Variants in ARPC3 observed in about 807,000 individuals in gnomAD.
ARPC3 encodes actin-related protein 2/3 complex subunit 3.
Under a neutral mutation model 27.6 loss-of-function variants are expected in ARPC3, and 12 were observed. The observed-to-expected ratio is 0.43, with a 90% CI of 0.28 to 0.70. The LOEUF (loss-of-function observed/expected upper bound fraction) is 0.70, where lower values mean the gene tolerates loss of function less well. ARPC3 is among the 30% of genes least tolerant of loss of function. The pLI is 0.17. For synonymous variants in ARPC3, 53 were observed against 67.2 expected (o/e 0.79, Z 1.03); for missense variants, 153 against 207.7 (o/e 0.74, Z 1.62).
At chr12:110,440,691 C>T (rs1024237665) in intron 2 of ARPC3, among the ~76,000 whole-genome samples, 1 of 150,616 alleles carries the variant, frequency 6.6e-6, no homozygotes, top group Admixed American at 6.7e-5. Flanking sequence ...GGGCTACAGG[C>T]ACCTGCCACC....
At chr12:110,442,481 G>A (rs961206029) in intron 2 of ARPC3, among the ~76,000 whole-genome samples, 1 of 151,988 alleles carries the variant, frequency 6.6e-6, no homozygotes, top group South Asian at 2.1e-4. Flanking sequence ...GGTGGTACGT[G>A]CCTGTAATCC....
intron 1 of ARPC3, 144 bp downstream of exon 1, chr12:110,450,111 C>T (rs2135507760): frequency 8.0e-7 from 1 of 1,249,678 alleles, no homozygotes; most frequent in Non-Finnish European, 1.1e-6. Context: ...CCTTCAGCAA[C>T]CGGTCCCCTC....
intron 6 of ARPC3, among the ~76,000 whole-genome samples, chr12:110,435,877 C>T (rs923859153): frequency 8.0e-5 from 12 of 149,410 alleles, no homozygotes; most frequent in African/African-American, 1.7e-4. Flanking sequence ...CCACTCGCCT[C>T]GGCCTCCCAA....
Position 110,450,286 on chromosome 12 carries a change from A to C in ARPC3, c.-26T>G. 6.2e-7 allele frequency: 1 copy of C among 1,613,968 alleles called. No homozygotes were observed. The highest frequency in any genetic ancestry group is 8.5e-7 in the Non-Finnish European group (1 of 1,179,952). On this transcript the variant is annotated 5_prime_UTR_variant, in exon 1 of 7. Coordinates refer to ENST00000228825, the MANE Select transcript of ARPC3 (RefSeq NM_001278556.2). ...CTTGGCGGCGCCCGGGTTTCAACCC[A>C]GAGGAGCAGGATCCAGGTACAGCGG...
intron 1 of ARPC3, among the ~76,000 whole-genome samples, chr12:110,449,284 T>C (rs894048098): frequency 6.6e-6 from 1 of 151,938 alleles, no homozygotes; most frequent in African/African-American, 2.4e-5. Flanking sequence ...GTGAGCAGGC[T>C]GGGCGCGATG....
chr12:110,436,061 T>C (rs761611955), intron 6 of ARPC3, 49 bp downstream of exon 6: 1 of 1,403,568 alleles, frequency 7.1e-7, no homozygotes. Context: ...ATGGTGGCTA[T>C]GGGATAAAAG....
intron 2 of ARPC3, 107 bp downstream of exon 2, chr12:110,445,345 G>T: frequency 1.2e-6 from 1 of 865,150 alleles, no homozygotes; most frequent in Non-Finnish European, 1.9e-6. Flanking sequence ...AAAGTACAAG[G>T]GCAATTTGAG....
At position 110,438,651 on chromosome 12, in the gene ARPC3, ATT is replaced by A. The variant is rs780361423; in HGVS notation, c.184-1501_184-1500del. Reference sequence around the variant, plus strand: ...CCCAAACCACACCATTTTCCTATATATTTTTTTTTTTTTGAGTGTTTCACTTT... The same window carrying A: ...CCCAAACCACACCATTTTCCTATATATTTTTTTTTTTGAGTGTTTCACTTT... On this transcript the variant is annotated intron_variant, in intron 3 of 6. Coordinates refer to ENST00000228825, the MANE Select transcript of ARPC3 (RefSeq NM_001278556.2). Among the ~76,000 whole-genome samples the A allele has an allele frequency of 7.2e-3, 1,025 of 142,548 alleles. 1 individual carries two copies. The highest frequency in any genetic ancestry group is 9.7e-3 in the Non-Finnish European group (634 of 65,070). The allele number at this position is 142,548 out of a possible 152,430, so 93.5% of individuals were successfully genotyped here. A position where few individuals can be genotyped will look rare whatever the true frequency, so the allele number is the denominator to read the frequency against.
chr12:110,441,009 T>C (rs1475630385), intron 2 of ARPC3, among the ~76,000 whole-genome samples: 1 of 136,672 alleles, frequency 7.3e-6, no homozygotes, highest in Non-Finnish European at 1.6e-5. Context: ...TGCTCAGCTA[T>C]ATTTTTTGTA....
chr12:110,444,741 G>A (rs931140138), intron 2 of ARPC3: 9 of 152,184 alleles, frequency 5.9e-5, no homozygotes. Context: ...GTTTAAAAAA[G>A]GTCAAGTCAA....
chr12:110,435,241 A>G, intron 6 of ARPC3, 24 bp from the exon 7 acceptor site: 3 of 1,573,294 alleles, frequency 1.9e-6, no homozygotes, highest in Non-Finnish European at 2.6e-6. Context: ...ACAACACAGA[A>G]TGAACAGCGG....
intron 3 of ARPC3, 159 bp from the exon 4 acceptor site, chr12:110,437,311 C>T (rs1046021919): frequency 3.1e-6 from 2 of 638,670 alleles, no homozygotes; most frequent in East Asian, 2.8e-5. Context: ...ACAGTCTCCT[C>T]AGTCTCCTTT....
rs140951587 is a variant in ARPC3 at position 110,449,604 on chromosome 12, G to T, written c.6+651C>A. On this transcript the variant is annotated intron_variant, in intron 1 of 6. Transcript: ENST00000228825. ...AAGTGTGAACAATCACATAATAACT[G>T]AACCACCTTTTCCCGAATCTGCAAA... is the stretch of plus-strand genomic sequence containing the variant. Among the ~76,000 whole-genome samples, 28 of 152,182 alleles carry T rather than the reference G, an allele frequency of 1.8e-4. 1 individual carries two copies. Among genetic ancestry groups the T allele is most frequent in the Middle Eastern group, 3.4e-3 (1 of 294 alleles).
rs1177516076 is a variant in ARPC3, at chr12:110,440,361, G to C, written c.134C>G (p.Ala45Gly). 6.2e-7 allele frequency: 1 copy of C among 1,611,304 alleles called. No individual in the cohort carries two copies. Among genetic ancestry groups the C allele is most frequent in the Non-Finnish European group, 8.5e-7 (1 of 1,177,638 alleles). ...GACATTGGCCTTGAAGTAATAGATG[G>C]CTTCATCCACAATATCTGTATCTTT... Reference protein sequence around the residue: ...ETKDTDIVDEAIYYFKANVFF... With the variant: ...ETKDTDIVDEGIYYFKANVFF... Residue 45 changes from alanine to glycine, a missense_variant, in exon 3 of 7, where the codon GCC (alanine) becomes GGC (glycine). By Grantham distance (60) the Ala-to-Gly change is moderately conservative. Coordinates refer to ENST00000228825, the MANE Select transcript of ARPC3 (RefSeq NM_001278556.2).
chr12:110,444,472 T>C (rs1019272098), intron 2 of ARPC3, among the ~76,000 whole-genome samples: 1 of 151,654 alleles, frequency 6.6e-6, no homozygotes, highest in African/African-American at 2.4e-5. Context: ...TTTAGTAGAG[T>C]TGGGGTTTCG....
chr12:110,448,471 G>GT (rs997690942), intron 1 of ARPC3, among the ~76,000 whole-genome samples: 51 of 152,020 alleles, frequency 3.4e-4, no homozygotes, highest in African/African-American at 1.2e-3. Context: ...GAGCCCAGAA[G>GT]TTTGAGATCA....
chr12:110,437,355 ACT>A, intron 3 of ARPC3: 1 of 538,970 alleles, frequency 1.9e-6, no homozygotes, highest in Non-Finnish European at 3.3e-6. Context: ...CACAAGCCCC[ACT>A]CTGAGATGTG....
At chr12:110,437,399 G>C (rs1261828091) in intron 3 of ARPC3, 1 of 425,652 alleles carries the variant, frequency 2.3e-6, no homozygotes, top group Admixed American at 3.7e-5. Context: ...ACGGAGTCTT[G>C]CTCTGTTGCC....
intron 1 of ARPC3, among the ~76,000 whole-genome samples, chr12:110,450,038 A>C (rs1410206469): frequency 6.6e-6 from 1 of 151,754 alleles, no homozygotes; most frequent in Non-Finnish European, 1.5e-5. Context: ...CACACCCTGG[A>C]CCCTTGGCCC....
Sources: allele counts gnomAD v4.1 joint callset (sites outside exome capture counted in the v4.1 genomes callset), GRCh38; gene constraint gnomAD v4.1.1; transcripts MANE v1.5; gene names NCBI Gene and HGNC (gene_info 2026-07-23, HGNC 2026-07-21).